The following RYR2 variants were observed in gnomAD, a reference collection of about 807,000 sequenced individuals.
The protein encoded by RYR2 is cardiac muscle ryanodine receptor-calcium release channel.
A neutral mutation model predicts 601.1 loss-of-function variants in RYR2; 227 were observed. The ratio of observed to expected loss-of-function variants is 0.38; its 90% CI spans 0.34 to 0.42. RYR2 has a LOEUF of 0.42. RYR2 is among the 10% of genes least tolerant of loss of function. The pLI is 1.00. For missense variants in RYR2, 4,646 were observed against 6,156.5 expected, an observed-to-expected ratio of 0.75 and a Z score of 8.21; for synonymous variants, 2,223 against 2,175.1, an observed-to-expected ratio of 1.02 and a Z score of -0.61.
intron 91 of RYR2, 154 bp from the exon 92 acceptor site, chr1:237,787,834 A>T: frequency 1.4e-6 from 1 of 718,802 alleles, no homozygotes; most frequent in Non-Finnish European, 2.3e-6. Context: ...CCCTGATTCT[A>T]AAATTCAGAA....
intron 100 of RYR2, among the ~76,000 whole-genome samples, chr1:237,811,090 T>C (rs1661203715): frequency 6.6e-6 from 1 of 152,050 alleles, no homozygotes; most frequent in Admixed American, 6.6e-5. Context: ...TTACCATAGG[T>C]ATTTTTTTAT....
At chr1:237,400,019 A>G (rs1310885715) in intron 10 of RYR2, among the ~76,000 whole-genome samples, 2 of 149,488 alleles carry the variant, frequency 1.3e-5, no homozygotes, top group Non-Finnish European at 3.0e-5. Flanking sequence ...TACACAAATG[A>G]TAAAATGGTT....
chr1:237,095,545 C>G (rs1439096136), intron 1 of RYR2, among the ~76,000 whole-genome samples: 1 of 152,208 alleles, frequency 6.6e-6, no homozygotes, highest in East Asian at 1.9e-4. Flanking sequence ...GCCGACATCT[C>G]TTTCTCACTC....
intron 1 of RYR2, among the ~76,000 whole-genome samples, chr1:237,205,929 C>T (rs1319724959): frequency 1.3e-5 from 2 of 152,286 alleles, no homozygotes; most frequent in African/African-American, 2.4e-5. Context: ...GTCAGACCCG[C>T]GACTGGCTCA....
At position 237,610,786 on chromosome 1, in the gene RYR2, T is replaced by C. The variant is rs1384530947; in HGVS notation, c.4708T>C (p.Leu1570=). The C allele has an allele frequency of 6.2e-7, 1 of 1,607,436 alleles. No homozygotes were observed. The highest frequency in any genetic ancestry group is 1.1e-5 in the South Asian group (1 of 89,910). Residue 1570 remains leucine (L), a synonymous_variant, in exon 36 of 105, where the codon TTA becomes CTA. Transcript: ENST00000366574. The surrounding 1 kb of genome is among the most constrained non-coding windows in gnomAD (Gnocchi z 4.9). ...GAATGTGATGCCTCTCTCGGCGGGA[T>C]TATTCAAGAGTGAGCACAAGAACCC... ...IKNVMPLSAG[L]FKSEHKNPVP... is the part of the protein sequence containing the mutation.
At chr1:237,140,104 G>T (rs1379174480) in intron 1 of RYR2, among the ~76,000 whole-genome samples, 1 of 152,218 alleles carries the variant, frequency 6.6e-6, no homozygotes, top group Non-Finnish European at 1.5e-5. Flanking sequence ...AGAATGAAGT[G>T]TTCATGGAAC....
intron 1 of RYR2, among the ~76,000 whole-genome samples, chr1:237,255,791 T>C (rs1015418057): frequency 1.3e-5 from 2 of 151,974 alleles, no homozygotes; most frequent in African/African-American, 4.8e-5. Flanking sequence ...TGTATCTGCA[T>C]CCACAAATTA....
intron 1 of RYR2, among the ~76,000 whole-genome samples, chr1:237,061,288 T>TATTC (rs1662849663): frequency 2.0e-5 from 1 of 49,118 alleles, no homozygotes; most frequent in African/African-American, 5.0e-5. Flanking sequence ...TCTATCTATC[T>TATTC]ATCTATCTAT....
At position 237,441,465 on chromosome 1, in the gene RYR2, G is replaced by A. The variant is rs1707894967; in HGVS notation, c.1152G>A (p.Met384Ile). ...YQSVDVKSVRMGSIQRKAIMH... is the reference protein window; with the variant it reads ...YQSVDVKSVRIGSIQRKAIMH... ...CTGTGGACGTGAAATCCGTGAGAAT[G>A]GGATCTATACAACGTAAGGTAAGGT... Residue 384 changes from methionine (M) to isoleucine (I), a missense_variant, in exon 13 of 105, where the codon ATG (methionine) becomes ATA (isoleucine). Met to Ile is a conservative substitution (Grantham distance 10, BLOSUM62 1). This residue lies in a region of RYR2 where 1,807 missense variants were observed against 2,088.1 expected (regional missense o/e 0.87). Transcript: ENST00000366574. 6.3e-7 allele frequency: 1 copy of A among 1,591,926 alleles called. No homozygotes were observed. Among genetic ancestry groups the A allele is most frequent in the Non-Finnish European group, 8.6e-7 (1 of 1,167,226 alleles).
intron 1 of RYR2, among the ~76,000 whole-genome samples, chr1:237,072,685 G>A (rs992692291): frequency 2.6e-5 from 4 of 151,816 alleles, no homozygotes; most frequent in Non-Finnish European, 5.9e-5. Context: ...AAAAATACTC[G>A]CCTGTAATCC....
At chr1:237,197,584 C>T (rs1319603868) in intron 1 of RYR2, among the ~76,000 whole-genome samples, 2 of 152,140 alleles carry the variant, frequency 1.3e-5, no homozygotes, top group African/African-American at 4.8e-5. Context: ...GAAAGATGCA[C>T]TTACGTGGGT....
chr1:237,447,456 C>T (rs1209193198), intron 14 of RYR2, among the ~76,000 whole-genome samples: 3 of 152,152 alleles, frequency 2.0e-5, no homozygotes, highest in African/African-American at 4.8e-5. Flanking sequence ...GAATTATACA[C>T]TTTCTGCTTT....
At chr1:237,560,303 T>A (rs942767016) in intron 27 of RYR2, among the ~76,000 whole-genome samples, 1 of 152,262 alleles carries the variant, frequency 6.6e-6, no homozygotes, top group African/African-American at 2.4e-5. Context: ...GCTGCAAGGC[T>A]AACAAATTGC....
intron 97 of RYR2, among the ~76,000 whole-genome samples, chr1:237,801,536 T>C (rs1291972756): frequency 8.1e-6 from 1 of 123,990 alleles, no homozygotes; most frequent in Admixed American, 8.0e-5. Context: ...AGTGCAACTC[T>C]GTCTCAAAAA....
intron 31 of RYR2, among the ~76,000 whole-genome samples, chr1:237,591,383 A>C (rs564294698): frequency 2.7e-4 from 41 of 152,120 alleles, no homozygotes; most frequent in Middle Eastern, 6.8e-3. Context: ...CATTTTCTCC[A>C]AATAGTATTT....
intron 20 of RYR2, 85 bp from the exon 21 acceptor site, chr1:237,500,623 CTTA>C (rs1187099648): frequency 8.7e-7 from 1 of 1,144,286 alleles, no homozygotes; most frequent in African/African-American, 1.5e-5. Flanking sequence ...TTTGTCACTA[CTTA>C]TTCAAATCTT....
chr1:237,275,489 G>T (rs569836426), intron 2 of RYR2, among the ~76,000 whole-genome samples: 1 of 147,684 alleles, frequency 6.8e-6, no homozygotes, highest in Non-Finnish European at 1.5e-5. Context: ...AGACAAAGAA[G>T]GATTTTTTTT....
At chr1:237,640,442 C>T (rs1681353330) in intron 46 of RYR2, among the ~76,000 whole-genome samples, 1 of 152,220 alleles carries the variant, frequency 6.6e-6, no homozygotes, top group Admixed American at 6.5e-5. Context: ...AGTGCAATAA[C>T]ATTTATAAAG....
rs771337614 is a variant in RYR2, at chr1:237,783,854, T to G, written c.12142T>G (p.Phe4048Val). Reference protein sequence around the residue: ...DGKGVISKRDFHKAMESHKHY... With the variant: ...DGKGVISKRDVHKAMESHKHY... ...CAAGGGAGTCATTTCCAAGAGGGAC[T>G]TCCACAAAGCGATGGAGAGCCATAA... Residue 4048 changes from phenylalanine to valine, a missense_variant, in exon 90 of 105, where the codon TTC (phenylalanine) becomes GTC (valine). Around this residue, in one of 17 missense-constraint regions of RYR2, gnomAD observed 66 missense variants for 80.7 expected, o/e 0.82. Coordinates refer to ENST00000366574, the MANE Select transcript of RYR2 (RefSeq NM_001035.3). 1 of 1,613,896 alleles carries G rather than the reference T, an allele frequency of 6.2e-7. No homozygotes were observed. Among genetic ancestry groups the G allele is most frequent in the South Asian group, 1.1e-5 (1 of 91,050 alleles).
Sources: allele counts gnomAD v4.1 joint callset (sites outside exome capture counted in the v4.1 genomes callset), GRCh38; gene constraint gnomAD v4.1.1; regional missense constraint gnomAD v4.1.1; non-coding constraint Gnocchi (gnomAD v3.1); transcripts MANE v1.5; gene names NCBI Gene and HGNC (gene_info 2026-07-23, HGNC 2026-07-21).